SIMC1: variants seen among roughly 807,000 people sequenced by gnomAD.
The protein encoded by SIMC1 is SUMO-interacting motif-containing protein 1.
In SIMC1, 55 loss-of-function variants were observed where a neutral mutation model predicts 82.3. That is an observed-to-expected ratio of 0.67 (90% CI 0.54 to 0.84). The LOEUF (loss-of-function observed/expected upper bound fraction) is 0.84, where lower values mean the gene tolerates loss of function less well. Ranked by LOEUF, SIMC1 falls within the 40% of genes least tolerant of loss-of-function variation. The pLI is 0.00. For synonymous variants in SIMC1, 353 were observed against 426.3 expected (o/e 0.83, Z 2.12); for missense variants, 915 against 1,107.2 (o/e 0.83, Z 2.46).
At chr5:176,293,784 G>A (rs1581265653) in intron 2 of SIMC1, among the ~76,000 whole-genome samples, 1 of 151,352 alleles carries the variant, frequency 6.6e-6, no homozygotes, top group Admixed American at 6.6e-5. Flanking sequence ...CAAATTTATT[G>A]TTATTAAACC....
Position 176,324,775 on chromosome 5 carries a change from TG to T in SIMC1, c.2171+22del. On this transcript the variant is annotated intron_variant, in intron 7 of 9. Transcript: ENST00000429602. ...AGCCAGAGGTGAGTCTTGATTTTGTTGGGGAGAGCAGTTATTTAAAAAAAAA... is the reference window on the plus strand; with the variant it reads ...AGCCAGAGGTGAGTCTTGATTTTGTTGGGAGAGCAGTTATTTAAAAAAAAA... 1 of 1,555,310 alleles carries T rather than the reference TG, an allele frequency of 6.4e-7. No homozygotes were observed.
intron 1 of SIMC1, among the ~76,000 whole-genome samples, chr5:176,289,441 C>T (rs1322374413): frequency 6.6e-6 from 1 of 151,982 alleles, no homozygotes; most frequent in Non-Finnish European, 1.5e-5. Flanking sequence ...CACTGTGATC[C>T]TAGTCATGCG....
chr5:176,319,687 T>A (rs1765072554), intron 5 of SIMC1, among the ~76,000 whole-genome samples: 2 of 152,144 alleles, frequency 1.3e-5, no homozygotes, highest in Admixed American at 1.3e-4. Flanking sequence ...TAAACTGTAT[T>A]CTTATTTTCT....
At chr5:176,274,852 C>G (rs1277740089) in intron 1 of SIMC1, among the ~76,000 whole-genome samples, 1 of 151,634 alleles carries the variant, frequency 6.6e-6, no homozygotes, top group Middle Eastern at 3.4e-3. Flanking sequence ...GTTTTGGTAC[C>G]AGTACCATGC....
chr5:176,313,540 A>T lies in SIMC1; in HGVS notation c.1735-151A>T, dbSNP rs568091736. ...GTCCTCTCTCATAATGACCCAGACT[A>T]CCTGCCCTCTCCTAGGAGCCTCTCT... is the stretch of plus-strand genomic sequence containing the variant. On this transcript the variant is annotated intron_variant, in intron 4 of 9. Coordinates refer to ENST00000429602, the MANE Select transcript of SIMC1 (RefSeq NM_001308195.2). 4.6e-5 allele frequency: 71 copies of T among 1,547,124 alleles called. No homozygotes were observed. In the Admixed American group the frequency reaches 5.4e-4, roughly 12 times the overall value.
chr5:176,303,630 A>G (rs764002487), intron 4 of SIMC1, among the ~76,000 whole-genome samples: 3 of 152,220 alleles, frequency 2.0e-5, no homozygotes, highest in Non-Finnish European at 4.4e-5. Context: ...AGTCAAAGCA[A>G]TCTTGAAATA....
chr5:176,294,071 G>A (rs1055216508), intron 2 of SIMC1, among the ~76,000 whole-genome samples: 1 of 151,772 alleles, frequency 6.6e-6, no homozygotes, highest in Non-Finnish European at 1.5e-5. Context: ...TATCTATTTC[G>A]GTATCTGATA....
chr5:176,336,667 T>C, intron 7 of SIMC1, 53 bp from the exon 8 acceptor site: 2 of 1,592,664 alleles, frequency 1.3e-6, no homozygotes, highest in South Asian at 2.3e-5. Flanking sequence ...GTGGCTCATG[T>C]TCTTTGAAGC....
intron 5 of SIMC1, among the ~76,000 whole-genome samples, chr5:176,314,077 G>A (rs1764795019): frequency 6.6e-6 from 1 of 152,134 alleles, no homozygotes; most frequent in Non-Finnish European, 1.5e-5. Flanking sequence ...AACCAGCCTG[G>A]CCAACATGGC....
intron 7 of SIMC1, among the ~76,000 whole-genome samples, chr5:176,329,551 G>C (rs984149269): frequency 1.4e-5 from 2 of 148,144 alleles, no homozygotes; most frequent in African/African-American, 5.0e-5. Context: ...AGGATTCCTT[G>C]TGCTACCCTT....
At chr5:176,321,579 T>C (rs566514669) in intron 5 of SIMC1, among the ~76,000 whole-genome samples, 1 of 152,330 alleles carries the variant, frequency 6.6e-6, no homozygotes, top group East Asian at 1.9e-4. Context: ...TTAAATCTAC[T>C]ATTTTTACCT....
intron 1 of SIMC1, among the ~76,000 whole-genome samples, chr5:176,242,138 G>A (rs1343415437): frequency 2.0e-5 from 3 of 152,102 alleles, no homozygotes; most frequent in African/African-American, 2.4e-5. Flanking sequence ...GTCACGTGGC[G>A]TTTTAAGTGG....
intron 4 of SIMC1, among the ~76,000 whole-genome samples, chr5:176,305,136 A>AGCG (rs1428016379): frequency 0.049 from 1,585 of 32,440 alleles, 159 homozygotes; most frequent in African/African-American, 0.16. Flanking sequence ...GCCATCCAGG[A>AGCG]GGGGGGGGGG....
chr5:176,301,540 G>A (rs1305480956), intron 4 of SIMC1, among the ~76,000 whole-genome samples: 2 of 152,144 alleles, frequency 1.3e-5, no homozygotes, highest in Non-Finnish European at 2.9e-5. Flanking sequence ...CACTTTGGGA[G>A]GCCAAGGTGG....
chr5:176,301,750 A>C (rs778126793), intron 4 of SIMC1, among the ~76,000 whole-genome samples: 8 of 151,488 alleles, frequency 5.3e-5, no homozygotes, highest in Non-Finnish European at 1.0e-4. Flanking sequence ...CTGCACTCCA[A>C]CCTGGGCGAT....
Position 176,314,496 on chromosome 5 carries a change from C to T in SIMC1, c.1889+651C>T, listed in dbSNP as rs141931373. The stretch of plus-strand genomic sequence containing the variant: ...AGTTTTTATTAACCTACATTTATTC[C>T]TATCCCCCGATGAACCTCAATATAA... On this transcript the variant is annotated intron_variant, in intron 5 of 9. Coordinates refer to ENST00000429602, the MANE Select transcript of SIMC1 (RefSeq NM_001308195.2). 2.3e-3 allele frequency among the ~76,000 whole-genome samples: 349 copies of T among 152,230 alleles called. 3 individuals carry two copies. Among genetic ancestry groups the T allele is most frequent in the African/African-American group, 8.1e-3 (335 of 41,514 alleles).
At chr5:176,265,780 TAGGG>T (rs1355005080) in intron 1 of SIMC1, among the ~76,000 whole-genome samples, 4 of 152,090 alleles carry the variant, frequency 2.6e-5, no homozygotes, top group South Asian at 4.2e-4. Context: ...AATTAGGAGT[TAGGG>T]AGAGTATGAG....
chr5:176,286,578 C>G (rs1763296647), intron 1 of SIMC1, among the ~76,000 whole-genome samples: 1 of 152,224 alleles, frequency 6.6e-6, no homozygotes, highest in African/African-American at 2.4e-5. Flanking sequence ...TAGGCATAGG[C>G]AAAGACTTCA....
At chr5:176,322,454 G>T (rs1765209588) in intron 6 of SIMC1, 29 bp downstream of exon 6, 3 of 1,592,310 alleles carry the variant, frequency 1.9e-6, no homozygotes, top group Non-Finnish European at 2.6e-6. Flanking sequence ...TCTTTCCTGG[G>T]GCTCTTGGGG....
Sources: gnomAD v4.1 joint callset for allele counts (sites outside exome capture counted in the v4.1 genomes callset) on GRCh38, gnomAD v4.1.1 for gene constraint, MANE v1.5 for transcripts, NCBI Gene and HGNC (gene_info 2026-07-23, HGNC 2026-07-21) for gene names.